SDK1: variants seen among roughly 807,000 people sequenced by gnomAD.
SDK1 encodes protein sidekick-1.
In SDK1, 157 loss-of-function variants were observed where a neutral mutation model predicts 245.5. The ratio of observed to expected loss-of-function variants is 0.64; its 90% CI spans 0.56 to 0.73. The LOEUF (loss-of-function observed/expected upper bound fraction) is 0.73. SDK1 is among the 30% of genes least tolerant of loss of function. The pLI, the probability that SDK1 is intolerant of heterozygous loss-of-function variation, is 0.00. For missense variants in SDK1, 3,583 were observed against 3,002.3 expected (o/e 1.19, Z -4.52); for synonymous variants, 1,647 against 1,278.5 (o/e 1.29, Z -6.15).
intron 20 of SDK1, 75 bp from the exon 21 acceptor site, chr7:4,076,923 C>A: frequency 7.6e-7 from 1 of 1,313,938 alleles, no homozygotes; most frequent in Non-Finnish European, 1.1e-6. Context: ...AAGCCTGCAA[C>A]GATGGTGCTG....
chr7:3,788,877 G>GT (rs1363165615), intron 4 of SDK1, among the ~76,000 whole-genome samples: 7 of 152,142 alleles, frequency 4.6e-5, no homozygotes, highest in Non-Finnish European at 5.9e-5. Context: ...TGTAGGCTGC[G>GT]TGAGTCTCCT....
rs572561829 is a variant in SDK1 at position 4,064,472 on chromosome 7, T to C, written c.2912-3366T>C. ...AACTCTAATACACTGTTGGTGATGA[T>C]GTAAATTAGTACAGCCACAATGGAA... On this transcript the variant is annotated intron_variant, in intron 19 of 44. Coordinates refer to ENST00000404826, the MANE Select transcript of SDK1 (RefSeq NM_152744.4). Among the ~76,000 whole-genome samples the C allele has an allele frequency of 8.5e-5, 13 of 152,308 alleles. No individual in the cohort carries two copies. In the South Asian group the frequency reaches 1.5e-3, roughly 17 times the overall value.
intron 5 of SDK1, among the ~76,000 whole-genome samples, chr7:3,945,899 TAAAAAAAA>T (rs754101246): frequency 2.2e-4 from 3 of 13,684 alleles, no homozygotes; most frequent in South Asian, 4.5e-3. Flanking sequence ...ACTCTGTCTG[TAAAAAAAA>T]AAAAAAAAAA....
chr7:3,706,151 T>C (rs1454064392), intron 4 of SDK1, among the ~76,000 whole-genome samples: 2 of 152,192 alleles, frequency 1.3e-5, no homozygotes, highest in African/African-American at 4.8e-5. Flanking sequence ...TGATGTGCTG[T>C]TGGATTCAAT....
rs575334767 is a variant in SDK1, at chr7:4,237,142, T to G, written c.5993-505T>G. On this transcript the variant is annotated intron_variant, in intron 41 of 44. Coordinates refer to ENST00000404826, the MANE Select transcript of SDK1 (RefSeq NM_152744.4). ...CCTGGGCTTAAGCCATCCTCCCACC[T>G]CAGCCTTCCACAGTGCTGGGACTTC... Among the ~76,000 whole-genome samples, 29 of 152,270 alleles carry G rather than the reference T, an allele frequency of 1.9e-4. No homozygotes were observed. The South Asian group carries it at 6.0e-3, about 32-fold the overall frequency.
intron 1 of SDK1, among the ~76,000 whole-genome samples, chr7:3,505,452 T>A (rs1336638087): frequency 6.6e-6 from 1 of 152,196 alleles, no homozygotes; most frequent in Non-Finnish European, 1.5e-5. Context: ...GGTCTCACTC[T>A]GTTGCTTCAG....
At chr7:3,481,030 T>C (rs567368738) in intron 1 of SDK1, among the ~76,000 whole-genome samples, 2 of 152,360 alleles carry the variant, frequency 1.3e-5, no homozygotes, top group African/African-American at 2.4e-5. Flanking sequence ...ATTCTGACAA[T>C]ACTTGTTTTA....
At chr7:3,922,736 G>A (rs760212107) in intron 5 of SDK1, among the ~76,000 whole-genome samples, 2 of 152,176 alleles carry the variant, frequency 1.3e-5, no homozygotes, top group African/African-American at 4.8e-5. Flanking sequence ...CTGCAACTGT[G>A]GTGGGGCGCT....
chr7:3,349,577 G>C (rs979171986), intron 1 of SDK1, among the ~76,000 whole-genome samples: 13 of 152,140 alleles, frequency 8.5e-5, no homozygotes, highest in African/African-American at 3.1e-4. Flanking sequence ...AGTCATACCT[G>C]CCTTTTTGGG....
chr7:3,325,951 T>G (rs1779930940), intron 1 of SDK1, among the ~76,000 whole-genome samples: 1 of 152,114 alleles, frequency 6.6e-6, no homozygotes, highest in Non-Finnish European at 1.5e-5. Flanking sequence ...CTTGGTTGTA[T>G]CCAGGGTACA....
intron 4 of SDK1, among the ~76,000 whole-genome samples, chr7:3,781,052 C>A (rs940908298): frequency 6.6e-6 from 1 of 152,072 alleles, no homozygotes; most frequent in African/African-American, 2.4e-5. Flanking sequence ...AACAGTCACT[C>A]AACTCAGTCA....
intron 38 of SDK1, among the ~76,000 whole-genome samples, chr7:4,213,990 G>A (rs145100230): frequency 1.4e-4 from 21 of 152,296 alleles, no homozygotes; most frequent in African/African-American, 5.1e-4. Flanking sequence ...CGGGCACTGT[G>A]CTCAGCACTT....
intron 14 of SDK1, among the ~76,000 whole-genome samples, chr7:3,990,913 A>T (rs1784254572): frequency 1.3e-5 from 2 of 152,200 alleles, no homozygotes; most frequent in Non-Finnish European, 2.9e-5. Flanking sequence ...TGCCTCCATG[A>T]GAAGCAGGTT....
chr7:4,124,964 T>A (rs1784286648), intron 25 of SDK1, among the ~76,000 whole-genome samples: 1 of 145,090 alleles, frequency 6.9e-6, no homozygotes. Context: ...GGGTGATGGG[T>A]GGATGATTGG....
At chr7:3,682,626 T>C (rs908634910) in intron 4 of SDK1, among the ~76,000 whole-genome samples, 3 of 21,504 alleles carry the variant, frequency 1.4e-4, no homozygotes. Flanking sequence ...GAGAATTTTT[T>C]TCTTTTTACA....
In SDK1 at chr7:3,458,557, T is replaced by C. The variant is rs144374677; in HGVS notation, c.298+156673T>C. On this transcript the variant is annotated intron_variant, in intron 1 of 44. Transcript: ENST00000404826. The stretch of plus-strand genomic sequence containing the variant: ...TTTTTTTTTGTACTTTTTTGTACCT[T>C]TTCTAAGGTAACAGTTGTGGCAAGA... Among the ~76,000 whole-genome samples the C allele has an allele frequency of 9.2e-5, 14 of 152,228 alleles. No individual in the cohort carries two copies. In the East Asian group the frequency reaches 2.5e-3, roughly 27 times the overall value.
At chr7:4,087,444 C>T (rs973401418) in intron 22 of SDK1, among the ~76,000 whole-genome samples, 3 of 150,746 alleles carry the variant, frequency 2.0e-5, no homozygotes, top group African/African-American at 7.4e-5. Context: ...GCCTGCTTCC[C>T]CATAACCAAT....
At chr7:3,480,533 C>G (rs905937877) in intron 1 of SDK1, among the ~76,000 whole-genome samples, 1 of 152,246 alleles carries the variant, frequency 6.6e-6, no homozygotes, top group Admixed American at 6.5e-5. Context: ...GATAAGCTGC[C>G]TGCCCATGGA....
chr7:3,604,760 G>A (rs1447462985), intron 1 of SDK1, among the ~76,000 whole-genome samples: 2 of 151,378 alleles, frequency 1.3e-5, no homozygotes, highest in African/African-American at 2.4e-5. Context: ...GTGTCACTAC[G>A]GCAGGCTAAT....
Sources: allele counts gnomAD v4.1 joint callset (sites outside exome capture counted in the v4.1 genomes callset), GRCh38; gene constraint gnomAD v4.1.1; transcripts MANE v1.5; gene names NCBI Gene and HGNC (gene_info 2026-07-23, HGNC 2026-07-21).